MTREX: variants seen among roughly 807,000 people sequenced by gnomAD.
MTREX encodes exosome RNA helicase MTR4.
A neutral mutation model predicts 135.4 loss-of-function variants in MTREX; 76 were observed. The observed-to-expected ratio is 0.56, with a 90% CI of 0.47 to 0.68. MTREX has a LOEUF of 0.68. Among genes scored for constraint, MTREX ranks in the 30% least tolerant of loss-of-function variants. MTREX has a pLI of 0.00. For missense variants in MTREX, 920 were observed against 1,262.1 expected (o/e 0.73, Z 4.11); for synonymous variants, 404 against 401.6 (o/e 1.01, Z -0.07).
At chr5:55,405,067 G>A (rs1388277196) in intron 21 of MTREX, among the ~76,000 whole-genome samples, 4 of 152,126 alleles carry the variant, frequency 2.6e-5, no homozygotes, top group East Asian at 3.9e-4. Context: ...AAAGTGCTGG[G>A]ATTACAGGTG....
chr5:55,402,338 CT>C (rs1330220389), intron 21 of MTREX, among the ~76,000 whole-genome samples: 297 of 152,338 alleles, frequency 1.9e-3, no homozygotes, highest in African/African-American at 4.9e-3. Context: ...CTGTTCATCT[CT>C]TAACCAGGAC....
chr5:55,422,242 C>G (rs1033433201), intron 25 of MTREX, among the ~76,000 whole-genome samples: 3 of 152,076 alleles, frequency 2.0e-5, no homozygotes, highest in African/African-American at 7.3e-5. Flanking sequence ...AGCTTTGATA[C>G]AAACACTTTT....
At chr5:55,360,405 C>CTT (rs112334233) in intron 15 of MTREX, among the ~76,000 whole-genome samples, 157 of 144,128 alleles carry the variant, frequency 1.1e-3, no homozygotes, top group African/African-American at 3.4e-3. Flanking sequence ...CTGCTATGAA[C>CTT]TTTTTTTTTT....
chr5:55,382,887 G>A (rs577917243), intron 18 of MTREX, among the ~76,000 whole-genome samples: 43 of 152,282 alleles, frequency 2.8e-4, no homozygotes, highest in Admixed American at 8.5e-4. Context: ...AGCTGCCTCA[G>A]CCTCCCAAAG....
intron 13 of MTREX, 135 bp downstream of exon 13, chr5:55,351,164 T>A: frequency 9.5e-7 from 1 of 1,057,744 alleles, no homozygotes; most frequent in East Asian, 3.2e-5. Flanking sequence ...ATGAACTTAA[T>A]TTTTATATAT....
chr5:55,351,652 G>C (rs771245412), intron 13 of MTREX, among the ~76,000 whole-genome samples: 9 of 152,142 alleles, frequency 5.9e-5, no homozygotes, highest in Non-Finnish European at 1.0e-4. Context: ...AGAATAAAAG[G>C]ATTAGTTTAG....
chr5:55,363,340 G>T (rs987506717), intron 15 of MTREX, among the ~76,000 whole-genome samples: 1 of 152,126 alleles, frequency 6.6e-6, no homozygotes, highest in Admixed American at 6.5e-5. Context: ...ATTCTAAAAT[G>T]TAAGAGATCA....
At chr5:55,325,260 G>A (rs1235086074) in intron 3 of MTREX, among the ~76,000 whole-genome samples, 4 of 149,784 alleles carry the variant, frequency 2.7e-5, no homozygotes, top group South Asian at 4.2e-4. Flanking sequence ...GATTCAGGAG[G>A]TGGTACATAT....
intron 20 of MTREX, among the ~76,000 whole-genome samples, chr5:55,398,800 A>G (rs1337520457): frequency 1.3e-5 from 2 of 152,148 alleles, no homozygotes; most frequent in Non-Finnish European, 1.5e-5. Context: ...GTGTTGATAT[A>G]TTTCAGCTTT....
chr5:55,417,813 CAT>C (rs1310843005), intron 25 of MTREX, among the ~76,000 whole-genome samples: 4 of 152,178 alleles, frequency 2.6e-5, no homozygotes, highest in African/African-American at 9.7e-5. Flanking sequence ...ATACAATACT[CAT>C]ATTTGTATAA....
intron 20 of MTREX, 66 bp from the exon 21 acceptor site, chr5:55,400,167 C>T: frequency 8.3e-7 from 1 of 1,208,286 alleles, no homozygotes. Context: ...AAGGGAAACA[C>T]TGATTTGGTT....
chr5:55,322,326 G>T lies in MTREX; in HGVS notation c.135-1G>T, dbSNP rs776021195. 6.3e-7 allele frequency: 1 copy of T among 1,592,534 alleles called. No homozygotes were observed. Among genetic ancestry groups the T allele is most frequent in the Non-Finnish European group, 8.5e-7 (1 of 1,172,408 alleles). On this transcript the variant is annotated splice_acceptor_variant, in intron 1 of 26. Transcript: ENST00000230640. LOFTEE classifies it high-confidence loss of function. Reference sequence around the variant, plus strand: ...TTCATTCCAAACTATTTACTTTTCAGGAAACGTTTTGATGGTAAATTACAA... The same window carrying T: ...TTCATTCCAAACTATTTACTTTTCATGAAACGTTTTGATGGTAAATTACAA...
chr5:55,362,083 A>ATTTTT (rs35074192), intron 15 of MTREX, among the ~76,000 whole-genome samples: 3,698 of 110,816 alleles, frequency 0.033, 105 homozygotes, highest in Non-Finnish European at 0.046. Flanking sequence ...CGTCTGGCTA[A>ATTTTT]TTTTTTTTTT....
chr5:55,359,425 GTATC>G (rs2112079067), intron 15 of MTREX, among the ~76,000 whole-genome samples: 1 of 152,296 alleles, frequency 6.6e-6, no homozygotes, highest in Admixed American at 6.5e-5. Flanking sequence ...ACTTAGGTCA[GTATC>G]TATGAAACAG....
Position 55,418,016 on chromosome 5 carries a change from G to T in MTREX, c.2971+1884G>T, listed in dbSNP as rs544079024. Among the ~76,000 whole-genome samples the T allele has an allele frequency of 9.2e-5, 14 of 151,424 alleles. No homozygotes were observed. In the East Asian group the frequency reaches 1.9e-3, roughly 21 times the overall value. On this transcript the variant is annotated intron_variant, in intron 25 of 26. Coordinates refer to ENST00000230640, the MANE Select transcript of MTREX (RefSeq NM_015360.5). ...TTGGGAGGCCGAGGCGGGCGGATCA[G>T]GAGGTCAGGAAATCGAGACCATCCT...
intron 6 of MTREX, among the ~76,000 whole-genome samples, chr5:55,340,577 T>TTTTA (rs949421882): frequency 1.6e-4 from 24 of 152,136 alleles, no homozygotes; most frequent in African/African-American, 4.8e-4. Context: ...AGTAACTGAT[T>TTTTA]TTTATTTATT....
intron 15 of MTREX, among the ~76,000 whole-genome samples, chr5:55,365,718 G>A (rs1031225790): frequency 6.6e-5 from 10 of 152,216 alleles, no homozygotes; most frequent in African/African-American, 1.2e-4. Flanking sequence ...CTGAAGGCCC[G>A]GGCGCGGTGG....
At chr5:55,320,721 T>C (rs913789010) in intron 1 of MTREX, among the ~76,000 whole-genome samples, 4 of 152,204 alleles carry the variant, frequency 2.6e-5, no homozygotes, top group East Asian at 1.9e-4. Flanking sequence ...AGTGGAATCA[T>C]ACAAAATATA....
At chr5:55,310,143 G>A (rs1405640041) in intron 1 of MTREX, among the ~76,000 whole-genome samples, 2 of 152,158 alleles carry the variant, frequency 1.3e-5, no homozygotes, top group Admixed American at 6.5e-5. Flanking sequence ...GTTGGGGTAA[G>A]CTGTTTGACA....
Sources: gnomAD v4.1 joint callset for allele counts (sites outside exome capture counted in the v4.1 genomes callset) on GRCh38, gnomAD v4.1.1 for gene constraint, MANE v1.5 for transcripts, NCBI Gene and HGNC (gene_info 2026-07-23, HGNC 2026-07-21) for gene names.